PALS2: variants seen among roughly 807,000 people sequenced by gnomAD.
PALS2 encodes protein associated with LIN7 2, MAGUK p55 family member, also known as protein PALS2.
A neutral mutation model predicts 61.6 loss-of-function variants in PALS2; 27 were observed. That is an observed-to-expected ratio of 0.44 (90% CI 0.32 to 0.60). PALS2 has a LOEUF of 0.60. Ranked by LOEUF, PALS2 falls within the 20% of genes least tolerant of loss-of-function variation. The pLI, the probability that PALS2 is intolerant of heterozygous loss-of-function variation, is 0.05. For missense variants in PALS2, 554 were observed against 639.4 expected, an observed-to-expected ratio of 0.87 and a Z score of 1.44; for synonymous variants, 236 against 218.6, an observed-to-expected ratio of 1.08 and a Z score of -0.70.
chr7:24,683,553 G>T (rs1056083072), intron 11 of PALS2, among the ~76,000 whole-genome samples: 5 of 150,608 alleles, frequency 3.3e-5, no homozygotes, highest in Non-Finnish European at 5.9e-5. Flanking sequence ...TGATAGTCTT[G>T]GATAGCTTCC....
In PALS2 at chr7:24,688,548, G is replaced by A. The variant is rs1788317899; in HGVS notation, c.*934G>A. ...ATGTATCATGCCTCTGCAAATTTTA[G>A]TGATGTTTAGAGATGCCTCTAAGTT... On this transcript the variant is annotated 3_prime_UTR_variant, in exon 12 of 12. Coordinates refer to ENST00000222644, the MANE Select transcript of PALS2 (RefSeq NM_001303037.2). 6.6e-6 allele frequency: 1 copy of A among 152,112 alleles called. No individual in the cohort carries two copies. The highest frequency in any genetic ancestry group is 2.1e-4 in the South Asian group (1 of 4,826). 9.4% of individuals were successfully genotyped at this position (152,112 alleles called of 1,614,324 possible). A position where few individuals can be genotyped will look rare whatever the true frequency, so the allele number is the denominator to read the frequency against.
rs1788435830 is a variant in PALS2, at chr7:24,690,895, T to G, written c.*3281T>G. On this transcript the variant is annotated 3_prime_UTR_variant, in exon 12 of 12. Coordinates refer to ENST00000222644, the MANE Select transcript of PALS2 (RefSeq NM_001303037.2). ...AATCCAATAAATTTATAGTAGTTCT[T>G]AAGAAGTTTCCTTTAAAGCAACAAA... 1 of 152,158 alleles carries G rather than the reference T, an allele frequency of 6.6e-6. No homozygotes were observed. The highest frequency in any genetic ancestry group is 1.5e-5 in the Non-Finnish European group (1 of 68,008). The allele number at this position is 152,158 out of a possible 1,614,324, so 9.4% of individuals were successfully genotyped here.
At chr7:24,624,203 ATTTG>A in intron 2 of PALS2, 1 of 1,097,470 alleles carries the variant, frequency 9.1e-7, no homozygotes, top group Non-Finnish European at 1.2e-6. Flanking sequence ...AAATTTTGTT[ATTTG>A]TTGCATAAGC....
chr7:24,599,736 C>A (rs1191968140), intron 1 of PALS2, among the ~76,000 whole-genome samples: 1 of 151,922 alleles, frequency 6.6e-6, no homozygotes, highest in African/African-American at 2.4e-5. Flanking sequence ...AACTCCTGAC[C>A]TCAAGTGGTC....
At chr7:24,582,749 G>T (rs1782893357) in intron 1 of PALS2, among the ~76,000 whole-genome samples, 2 of 151,388 alleles carry the variant, frequency 1.3e-5, no homozygotes, top group African/African-American at 4.9e-5. Flanking sequence ...TTCTATCCTT[G>T]TATAAGGAGC....
chr7:24,593,154 A>G (rs1487979012), intron 1 of PALS2, among the ~76,000 whole-genome samples: 1 of 152,144 alleles, frequency 6.6e-6, no homozygotes, highest in Non-Finnish European at 1.5e-5. Context: ...CTTCACCAGG[A>G]GTAGATTCCA....
chr7:24,588,070 C>G (rs946893490), intron 1 of PALS2, among the ~76,000 whole-genome samples: 1 of 152,102 alleles, frequency 6.6e-6, no homozygotes, highest in Non-Finnish European at 1.5e-5. Context: ...AGGGTTGTTA[C>G]TAAGCAATTC....
At chr7:24,626,347 A>C (rs557193088) in intron 2 of PALS2, among the ~76,000 whole-genome samples, 27 of 152,304 alleles carry the variant, frequency 1.8e-4, no homozygotes, top group African/African-American at 6.5e-4. Context: ...AAACATACTC[A>C]AAATATCTAA....
chr7:24,599,693 C>T (rs56921395), intron 1 of PALS2, among the ~76,000 whole-genome samples: 31,851 of 150,954 alleles, frequency 0.21, 4,750 homozygotes, highest in East Asian at 0.66. Context: ...TTAGTAGAGT[C>T]GAGGTTTCAT....
In PALS2 at chr7:24,574,877, A is replaced by T. The variant is rs191445444; in HGVS notation, c.-3+1284A>T. Among the ~76,000 whole-genome samples, 4 of 152,180 alleles carry T rather than the reference A, an allele frequency of 2.6e-5. No homozygotes were observed. In the South Asian group the frequency reaches 8.3e-4, roughly 32 times the overall value. On this transcript the variant is annotated intron_variant, in intron 1 of 11. Transcript: ENST00000222644. ...GTATATAGTTTCCGTATATAGGTAT[A>T]GCAACGGACCTCAAGTAATATTGCT... is the stretch of plus-strand genomic sequence containing the variant.
intron 9 of PALS2, among the ~76,000 whole-genome samples, chr7:24,672,198 G>C (rs1192686956): frequency 1.1e-5 from 1 of 92,092 alleles, no homozygotes; most frequent in East Asian, 2.4e-4. Flanking sequence ...ACTGCCATCT[G>C]TTTTGTTTTG....
At chr7:24,685,013 T>C (rs1788121047) in intron 11 of PALS2, among the ~76,000 whole-genome samples, 2 of 152,022 alleles carry the variant, frequency 1.3e-5, no homozygotes. Flanking sequence ...GTTACATAGG[T>C]GAATGTGTGC....
chr7:24,596,262 A>AGGG lies in PALS2; in HGVS notation c.-3+22672_-3+22674dup, dbSNP rs1783520786. Among the ~76,000 whole-genome samples the AGGG allele has an allele frequency of 6.6e-6, 1 of 152,122 alleles. No individual in the cohort carries two copies. The highest frequency in any genetic ancestry group is 2.1e-4 in the South Asian group (1 of 4,822). ...GCAAGAATTGATGGTGGCTTAGCGT[A>AGGG]GGGGGATAGCAGTGAATGGGCAAGG... On this transcript the variant is annotated intron_variant, in intron 1 of 11. Coordinates refer to ENST00000222644, the MANE Select transcript of PALS2 (RefSeq NM_001303037.2). This position sits in a 1 kb window ranked among gnomAD's most constrained non-coding sequence, Gnocchi z 4.5.
intron 9 of PALS2, 73 bp from the exon 10 acceptor site, chr7:24,679,058 C>T (rs1322047323): frequency 3.1e-5 from 42 of 1,368,982 alleles, no homozygotes; most frequent in Non-Finnish European, 4.2e-5. Context: ...CGTTAAGCCA[C>T]CCTATGTATT....
In PALS2 at chr7:24,586,155, AT is replaced by A. The variant is rs552141813; in HGVS notation, c.-3+12573del. Reference sequence around the variant, plus strand: ...ATCATCCATGAACATAGGCTTTGCTATTTTTTTTTTTAATTGAAGATGTTAG... The same window carrying A: ...ATCATCCATGAACATAGGCTTTGCTATTTTTTTTTTAATTGAAGATGTTAG... On this transcript the variant is annotated intron_variant, in intron 1 of 11. Coordinates refer to ENST00000222644, the MANE Select transcript of PALS2 (RefSeq NM_001303037.2). Among the ~76,000 whole-genome samples the A allele has an allele frequency of 6.6e-4, 98 of 147,436 alleles. No individual in the cohort carries two copies. In the Middle Eastern group the frequency reaches 0.011, roughly 16 times the overall value.
At chr7:24,600,428 A>C (rs1325502990) in intron 1 of PALS2, among the ~76,000 whole-genome samples, 2 of 152,188 alleles carry the variant, frequency 1.3e-5, no homozygotes, top group Non-Finnish European at 2.9e-5. Flanking sequence ...TTTCCCCCTG[A>C]ATCAAGGACA....
At chr7:24,681,760 C>G (rs530456570) in intron 11 of PALS2, among the ~76,000 whole-genome samples, 1 of 152,126 alleles carries the variant, frequency 6.6e-6, no homozygotes. Context: ...TCCACACATT[C>G]GCCTGTGCTC....
At chr7:24,583,776 G>T (rs1461698408) in intron 1 of PALS2, among the ~76,000 whole-genome samples, 1 of 151,522 alleles carries the variant, frequency 6.6e-6, no homozygotes, top group Non-Finnish European at 1.5e-5. Flanking sequence ...TTGTCATCTA[G>T]CATTAGGTAT....
At chr7:24,588,195 A>G (rs901958022) in intron 1 of PALS2, among the ~76,000 whole-genome samples, 3 of 152,318 alleles carry the variant, frequency 2.0e-5, no homozygotes, top group East Asian at 3.9e-4. Context: ...GTTTGGAGAC[A>G]TAGGTCAATT....
Sources: allele counts gnomAD v4.1 joint callset (sites outside exome capture counted in the v4.1 genomes callset), GRCh38; gene constraint gnomAD v4.1.1; non-coding constraint Gnocchi (gnomAD v3.1); transcripts MANE v1.5; gene names NCBI Gene and HGNC (gene_info 2026-07-23, HGNC 2026-07-21).